Variants in HPSE2 observed in about 807,000 individuals in gnomAD.
HPSE2 encodes heparanase 2 (inactive), also known as inactive heparanase-2.
A neutral mutation model predicts 60.5 loss-of-function variants in HPSE2; 38 were observed. The ratio of observed to expected loss-of-function variants is 0.63; its 90% CI spans 0.48 to 0.82. The LOEUF is 0.82. Ranked by LOEUF, HPSE2 falls within the 40% of genes least tolerant of loss-of-function variation. HPSE2 has a pLI of 0.00. For synonymous variants in HPSE2, 295 were observed against 293.2 expected, an observed-to-expected ratio of 1.01 and a Z score of -0.06; for missense variants, 713 against 740.4, an observed-to-expected ratio of 0.96 and a Z score of 0.43.
At chr10:98,997,439 C>A (rs1210957565) in intron 3 of HPSE2, among the ~76,000 whole-genome samples, 1 of 152,144 alleles carries the variant, frequency 6.6e-6, no homozygotes, top group Non-Finnish European at 1.5e-5. Flanking sequence ...CTACTCCACA[C>A]TCAATGCAAT....
intron 3 of HPSE2, among the ~76,000 whole-genome samples, chr10:99,041,453 G>A (rs781063748): frequency 7.2e-5 from 11 of 152,094 alleles, no homozygotes; most frequent in Non-Finnish European, 8.8e-5. Context: ...GCAATCTTGG[G>A]TATGGGCAAT....
chr10:98,602,606 A>T (rs1945459547), intron 9 of HPSE2, among the ~76,000 whole-genome samples: 1 of 152,216 alleles, frequency 6.6e-6, no homozygotes, highest in African/African-American at 2.4e-5. Flanking sequence ...GTATAAAGGT[A>T]GACATAAAGA....
upstream of HPSE2, among the ~76,000 whole-genome samples, chr10:99,237,800 G>C (rs1236166712): frequency 6.6e-6 from 1 of 152,148 alleles, no homozygotes; most frequent in African/African-American, 2.4e-5. Context: ...TAATTTTTAA[G>C]TATGTATTGA....
intron 2 of HPSE2, among the ~76,000 whole-genome samples, chr10:99,149,029 A>C (rs1057230807): frequency 2.0e-5 from 3 of 151,932 alleles, no homozygotes; most frequent in South Asian, 2.1e-4. Flanking sequence ...AGTTTAAAAA[A>C]TAAATATATA....
intron 3 of HPSE2, among the ~76,000 whole-genome samples, chr10:98,939,181 C>A (rs532406118): frequency 7.0e-6 from 1 of 143,412 alleles, no homozygotes; most frequent in East Asian, 2.0e-4. Context: ...CATCAACTAA[C>A]GAGCAAAATA....
intron 2 of HPSE2, among the ~76,000 whole-genome samples, chr10:99,221,615 G>C (rs907451556): frequency 6.6e-6 from 1 of 152,144 alleles, no homozygotes; most frequent in Admixed American, 6.6e-5. Flanking sequence ...CATAGAAAAG[G>C]AGAAAAAACT....
chr10:98,548,354 C>T (rs569228634), intron 9 of HPSE2, among the ~76,000 whole-genome samples: 15 of 152,290 alleles, frequency 9.8e-5, no homozygotes, highest in African/African-American at 2.9e-4. Context: ...CGGTGGCTCA[C>T]GCCTGTAATC....
In HPSE2 at chr10:98,473,484, C is replaced by CAAA. The variant is rs752065277; in HGVS notation, c.1613+9149_1613+9151dup. 7.8e-3 allele frequency among the ~76,000 whole-genome samples: 342 copies of CAAA among 44,082 alleles called. 5 individuals are homozygous for CAAA. Among genetic ancestry groups the CAAA allele is most frequent in the Non-Finnish European group, 9.2e-3 (232 of 25,286 alleles). 28.9% of individuals were successfully genotyped at this position (44,082 alleles called of 152,430 possible). ...TGGGTGACAGAGTGAGACTCTGTCTCAAAAAAAAAAAAAAAAAAAAGAAGG... is the reference window on the plus strand; with the variant it reads ...TGGGTGACAGAGTGAGACTCTGTCTCAAAAAAAAAAAAAAAAAAAAAAAGAAGG... On this transcript the variant is annotated intron_variant, in intron 11 of 11. Transcript: ENST00000370552.
chr10:98,472,039 T>G (rs7069274), intron 11 of HPSE2, among the ~76,000 whole-genome samples: 61,767 of 151,868 alleles, frequency 0.41, 13,634 homozygotes, highest in African/African-American at 0.6. Context: ...TCTCTTAAAT[T>G]AGCAGAAGGG....
At chr10:98,649,712 T>C (rs538033627) in intron 6 of HPSE2, among the ~76,000 whole-genome samples, 1 of 152,320 alleles carries the variant, frequency 6.6e-6, no homozygotes, top group East Asian at 1.9e-4. Flanking sequence ...AAAACTCTAT[T>C]CTTTTCTTTG....
intron 2 of HPSE2, among the ~76,000 whole-genome samples, chr10:99,180,122 A>C (rs553308133): frequency 6.6e-6 from 1 of 152,334 alleles, no homozygotes; most frequent in Non-Finnish European, 1.5e-5. Context: ...AAGATGGATT[A>C]AAGACTCAAA....
chr10:98,502,950 G>A (rs1364428949), intron 9 of HPSE2, among the ~76,000 whole-genome samples: 3 of 152,122 alleles, frequency 2.0e-5, no homozygotes, highest in African/African-American at 7.2e-5. Flanking sequence ...AGTGGCTCAC[G>A]CCTGTAATCC....
chr10:98,644,821 A>G (rs1267765809), intron 6 of HPSE2, among the ~76,000 whole-genome samples: 2 of 152,208 alleles, frequency 1.3e-5, no homozygotes, highest in African/African-American at 4.8e-5. Flanking sequence ...CCTTGGCTTA[A>G]GCAGTTTAGC....
chr10:98,642,323 T>C (rs1463794536), intron 6 of HPSE2, among the ~76,000 whole-genome samples: 1 of 152,206 alleles, frequency 6.6e-6, no homozygotes, highest in Non-Finnish European at 1.5e-5. Context: ...AATAAAGGTA[T>C]GTGAGAGGTT....
chr10:98,467,621 T>C (rs1255574808), intron 11 of HPSE2, among the ~76,000 whole-genome samples: 1 of 151,856 alleles, frequency 6.6e-6, no homozygotes, highest in Admixed American at 6.6e-5. Context: ...CCACTAGAGG[T>C]CACTCTTGTC....
the HPSE2 span, among the ~76,000 whole-genome samples, chr10:99,305,340 C>G: frequency 6.6e-6 from 1 of 152,108 alleles, no homozygotes; most frequent in African/African-American, 2.4e-5. Flanking sequence ...ACCCCAGGCT[C>G]TCAATGAAAA....
chr10:98,498,158 C>T (rs957384405), intron 9 of HPSE2, among the ~76,000 whole-genome samples: 3 of 152,118 alleles, frequency 2.0e-5, no homozygotes, highest in Admixed American at 1.3e-4. Context: ...AGGCTCGCAT[C>T]GTGAATTTTA....
At chr10:99,013,103 T>C in intron 3 of HPSE2, 2 of 647,266 alleles carry the variant, frequency 3.1e-6, no homozygotes, top group South Asian at 2.8e-5. Context: ...GTAGAGATAA[T>C]CTAATCTTAA....
intron 9 of HPSE2, among the ~76,000 whole-genome samples, chr10:98,524,521 T>C (rs1330992396): frequency 1.3e-5 from 2 of 152,216 alleles, no homozygotes; most frequent in African/African-American, 4.8e-5. Context: ...GATCATATCC[T>C]TTCTTCCTCA....
Sources: allele counts gnomAD v4.1 joint callset (sites outside exome capture counted in the v4.1 genomes callset), GRCh38; gene constraint gnomAD v4.1.1; transcripts MANE v1.5; gene names NCBI Gene and HGNC (gene_info 2026-07-23, HGNC 2026-07-21).